The following TNFRSF1B variants were observed in gnomAD, a reference collection of about 807,000 sequenced individuals.
TNFRSF1B encodes the protein TNF receptor superfamily member 1B, also known as tumor necrosis factor receptor superfamily member 1B.
Under a neutral mutation model 44.6 loss-of-function variants are expected in TNFRSF1B, and 19 were observed. That is an observed-to-expected ratio of 0.43 (90% CI 0.30 to 0.62). The LOEUF is 0.62. Ranked by LOEUF, TNFRSF1B falls within the 20% of genes least tolerant of loss-of-function variation. The probability of loss-of-function intolerance (pLI) is 0.16; values close to 1 mark genes in which losing one functional copy is unlikely to be tolerated. For synonymous variants in TNFRSF1B, 252 were observed against 261.1 expected, an observed-to-expected ratio of 0.97 and a Z score of 0.34; for missense variants, 541 against 619.9, an observed-to-expected ratio of 0.87 and a Z score of 1.35.
chr1:12,193,205 C>G (rs757216527), intron 6 of TNFRSF1B, 107 bp downstream of exon 6: 27 of 1,001,238 alleles, frequency 2.7e-5, no homozygotes, highest in Non-Finnish European at 3.8e-5. Flanking sequence ...GGGGCTGGAC[C>G]CTGTGCCCTG....
chr1:12,179,003 C>T (rs1391656513), intron 1 of TNFRSF1B, among the ~76,000 whole-genome samples: 4 of 151,832 alleles, frequency 2.6e-5, no homozygotes, highest in South Asian at 2.1e-4. Flanking sequence ...ATGGAGCAGG[C>T]GACATCAGCA....
At chr1:12,191,669 C>CAGCCTCCTGGAGATCCGCT in intron 3 of TNFRSF1B, 105 bp from the exon 4 acceptor site, 1 of 1,487,042 alleles carries the variant, frequency 6.7e-7, no homozygotes, top group Non-Finnish European at 9.2e-7. Flanking sequence ...GGCGGTCCGC[C>CAGCCTCCTGGAGATCCGCT]AGCCTCCTGG....
intron 9 of TNFRSF1B, among the ~76,000 whole-genome samples, chr1:12,203,086 T>G (rs1422888917): frequency 1.3e-5 from 2 of 152,248 alleles, no homozygotes; most frequent in Non-Finnish European, 2.9e-5. Flanking sequence ...CAGGGTCTGC[T>G]GGCCTGTGCC....
At chr1:12,200,585 C>T (rs1460221177) in intron 8 of TNFRSF1B, among the ~76,000 whole-genome samples, 4 of 152,136 alleles carry the variant, frequency 2.6e-5, no homozygotes, top group Admixed American at 2.6e-4. Flanking sequence ...TGCTACTGGA[C>T]ACCCAAACTT....
chr1:12,196,351 G>A (rs1285315561), intron 8 of TNFRSF1B, among the ~76,000 whole-genome samples: 2 of 152,150 alleles, frequency 1.3e-5, no homozygotes, highest in Admixed American at 6.5e-5. Flanking sequence ...ACTTAGTTGT[G>A]GGGGCTGTCC....
At chr1:12,188,977 C>A in intron 2 of TNFRSF1B, 82 bp downstream of exon 2, 1 of 1,217,824 alleles carries the variant, frequency 8.2e-7, no homozygotes, top group Non-Finnish European at 1.2e-6. Flanking sequence ...AGAGCATAGC[C>A]CTTGATTCTT....
chr1:12,174,616 T>C (rs1638611420), intron 1 of TNFRSF1B, among the ~76,000 whole-genome samples: 1 of 152,202 alleles, frequency 6.6e-6, no homozygotes, highest in Non-Finnish European at 1.5e-5. Flanking sequence ...TGCTAGATTA[T>C]TGATTCTGTT....
chr1:12,185,311 TTTTTC>T (rs1638958777), intron 1 of TNFRSF1B, among the ~76,000 whole-genome samples: 1 of 152,042 alleles, frequency 6.6e-6, no homozygotes, highest in African/African-American at 2.4e-5. Context: ...TTCCTTTTTC[TTTTTC>T]TTTCTCTTTT....
chr1:12,189,150 T>C (rs917882614), intron 2 of TNFRSF1B, among the ~76,000 whole-genome samples: 3 of 152,166 alleles, frequency 2.0e-5, no homozygotes, highest in Admixed American at 6.5e-5. Context: ...CCAGGAAGGC[T>C]GCCTGCCCCA....
chr1:12,191,721 C>T, intron 3 of TNFRSF1B, 53 bp from the exon 4 acceptor site: 1 of 1,608,146 alleles, frequency 6.2e-7, no homozygotes, highest in Non-Finnish European at 8.5e-7. Flanking sequence ...GGGAGGGCAG[C>T]GTGGGTGTGG....
chr1:12,192,623 C>T (rs1639171199), intron 5 of TNFRSF1B, 99 bp downstream of exon 5: 4 of 1,242,638 alleles, frequency 3.2e-6, no homozygotes, highest in Non-Finnish European at 4.7e-6. Context: ...CCACCATTGT[C>T]CAGACTGCTT....
chr1:12,184,485 G>T (rs762837768), intron 1 of TNFRSF1B, among the ~76,000 whole-genome samples: 1 of 152,148 alleles, frequency 6.6e-6, no homozygotes, highest in Non-Finnish European at 1.5e-5. Context: ...CTACCGGGGG[G>T]GCTGGAGCCA....
chr1:12,189,550 A>G (rs1369079979), intron 2 of TNFRSF1B, among the ~76,000 whole-genome samples: 1 of 152,212 alleles, frequency 6.6e-6, no homozygotes, highest in Non-Finnish European at 1.5e-5. Flanking sequence ...GGTGCCCTCC[A>G]TCTATTCATT....
At chr1:12,200,202 A>G (rs1392816175) in intron 8 of TNFRSF1B, among the ~76,000 whole-genome samples, 1 of 151,982 alleles carries the variant, frequency 6.6e-6, no homozygotes, top group Non-Finnish European at 1.5e-5. Context: ...CAATATAGAT[A>G]TTGTCTGGAG....
At chr1:12,198,470 A>C (rs1639317517) in intron 8 of TNFRSF1B, among the ~76,000 whole-genome samples, 1 of 152,044 alleles carries the variant, frequency 6.6e-6, no homozygotes, top group Non-Finnish European at 1.5e-5. Context: ...ACAGATATGC[A>C]CACATGCCCC....
chr1:12,207,144 T>C lies in TNFRSF1B; in HGVS notation c.*124T>C, dbSNP rs1159350678. ...ACTCTGAGGCTCTTTCTGGGCCAAG[T>C]TCCTCTAGTGCCCTCCACAGCCGCA... On this transcript the variant is annotated 3_prime_UTR_variant, in exon 10 of 10. Transcript: ENST00000376259. The C allele has an allele frequency of 2.8e-6, 3 of 1,077,770 alleles. No homozygotes were observed. Among genetic ancestry groups the C allele is most frequent in the Non-Finnish European group, 3.8e-6 (3 of 785,330 alleles). 66.8% of individuals were successfully genotyped at this position (1,077,770 alleles called of 1,614,324 possible).
At chr1:12,184,070 TC>T (rs1638918689) in intron 1 of TNFRSF1B, among the ~76,000 whole-genome samples, 1 of 152,192 alleles carries the variant, frequency 6.6e-6, no homozygotes, top group Non-Finnish European at 1.5e-5. Context: ...ATGTCAAAGA[TC>T]CCCTGTGGGG....
chr1:12,173,427 A>G (rs184643136), intron 1 of TNFRSF1B, among the ~76,000 whole-genome samples: 1 of 152,316 alleles, frequency 6.6e-6, no homozygotes, highest in Non-Finnish European at 1.5e-5. Flanking sequence ...CTCCAGGGCC[A>G]TCAAGAATTC....
chr1:12,183,712 T>TAGCTAGCTAG (rs1557629040), intron 1 of TNFRSF1B, among the ~76,000 whole-genome samples: 1 of 57,178 alleles, frequency 1.7e-5, no homozygotes, highest in African/African-American at 4.8e-5. Flanking sequence ...ATCTATCTAT[T>TAGCTAGCTAG]CTATCTACCT....
Sources: allele counts gnomAD v4.1 joint callset (sites outside exome capture counted in the v4.1 genomes callset), GRCh38; gene constraint gnomAD v4.1.1; transcripts MANE v1.5; gene names NCBI Gene and HGNC (gene_info 2026-07-23, HGNC 2026-07-21).